The following HIVEP3 variants were observed in gnomAD, a reference collection of about 807,000 sequenced individuals.
HIVEP3 encodes the protein HIVEP zinc finger 3.
In HIVEP3, 49 loss-of-function variants were observed where a neutral mutation model predicts 152.8. The observed-to-expected ratio is 0.32, with a 90% CI of 0.26 to 0.41. The LOEUF (loss-of-function observed/expected upper bound fraction) is 0.41. HIVEP3 is among the 10% of genes least tolerant of loss of function. HIVEP3 has a pLI of 1.00. For missense variants in HIVEP3, 2,790 were observed against 3,103.3 expected (o/e 0.90, Z 2.40); for synonymous variants, 1,269 against 1,289.0 (o/e 0.98, Z 0.33).
intron 2 of HIVEP3, among the ~76,000 whole-genome samples, chr1:41,638,335 GGA>G (rs60943913): frequency 4.9e-5 from 2 of 40,476 alleles, no homozygotes; most frequent in African/African-American, 8.7e-5. Context: ...AGAAAGAAAG[GGA>G]GAGAGAGAGA....
At chr1:41,994,559 ACTCT>A (rs1557553951) in intron 1 of HIVEP3, among the ~76,000 whole-genome samples, 1 of 151,480 alleles carries the variant, frequency 6.6e-6, no homozygotes, top group Non-Finnish European at 1.5e-5. Context: ...TTCCCCCATC[ACTCT>A]CTCTATCTCT....
At chr1:41,711,873 T>C (rs1338538715) in intron 1 of HIVEP3, among the ~76,000 whole-genome samples, 1 of 152,162 alleles carries the variant, frequency 6.6e-6, no homozygotes, top group Non-Finnish European at 1.5e-5. Context: ...GGGGTTTTAA[T>C]TGCTCATAAA....
rs909482725 is a variant in HIVEP3 at position 41,634,327 on chromosome 1, A to G, written c.-720-5380T>C. Among the ~76,000 whole-genome samples, 15 of 152,312 alleles carry G rather than the reference A, an allele frequency of 9.8e-5. 1 individual carries two copies. In the South Asian group the frequency reaches 2.9e-3, roughly 29 times the overall value. Reference sequence around the variant, plus strand: ...AGATACTATTTAATTCTTGACATCAATAGAGAAATCTGTGTAAAAACTAAC... The same window carrying G: ...AGATACTATTTAATTCTTGACATCAGTAGAGAAATCTGTGTAAAAACTAAC... On this transcript the variant is annotated intron_variant, in intron 2 of 8. Coordinates refer to ENST00000372583, the MANE Select transcript of HIVEP3 (RefSeq NM_024503.5).
chr1:41,910,165 A>G (rs192631046), intron 1 of HIVEP3, among the ~76,000 whole-genome samples: 6 of 152,116 alleles, frequency 3.9e-5, no homozygotes, highest in Admixed American at 3.3e-4. Flanking sequence ...AGTCTCTAAT[A>G]ACATTGAGAA....
intron 1 of HIVEP3, among the ~76,000 whole-genome samples, chr1:41,861,642 A>G (rs745871435): frequency 2.6e-5 from 4 of 152,196 alleles, no homozygotes; most frequent in Non-Finnish European, 4.4e-5. Flanking sequence ...CTGCATTTCC[A>G]GCCCTGGGAG....
intron 1 of HIVEP3, among the ~76,000 whole-genome samples, chr1:42,009,012 A>C (rs1045732487): frequency 6.6e-6 from 1 of 152,206 alleles, no homozygotes; most frequent in Non-Finnish European, 1.5e-5. Flanking sequence ...ACCATAGAGG[A>C]GCTAGCCTGA....
At chr1:41,946,439 T>C (rs1426345220) in intron 1 of HIVEP3, among the ~76,000 whole-genome samples, 1 of 152,166 alleles carries the variant, frequency 6.6e-6, no homozygotes, top group Non-Finnish European at 1.5e-5. Context: ...TCCCAGACAA[T>C]TGTCCTCCAG....
At chr1:41,811,700 T>C (rs1399165930) in intron 1 of HIVEP3, among the ~76,000 whole-genome samples, 1 of 149,950 alleles carries the variant, frequency 6.7e-6, no homozygotes, top group African/African-American at 2.5e-5. Context: ...GGGGAGGGGG[T>C]GGGGAAAGGC....
chr1:41,541,088 G>A (rs1643520452), intron 5 of HIVEP3, among the ~76,000 whole-genome samples: 1 of 152,150 alleles, frequency 6.6e-6, no homozygotes, highest in African/African-American at 2.4e-5. Context: ...TAGGCATGGG[G>A]TGTTGATGCA....
intron 1 of HIVEP3, among the ~76,000 whole-genome samples, chr1:41,927,304 T>G (rs763534397): frequency 6.6e-6 from 1 of 152,144 alleles, no homozygotes; most frequent in Non-Finnish European, 1.5e-5. Flanking sequence ...CCTGGTCAGT[T>G]TGTGTACTCT....
In HIVEP3 at chr1:41,872,262, A is replaced by G. The variant is rs76106384; in HGVS notation, c.-801+46151T>C. 2.3e-3 allele frequency among the ~76,000 whole-genome samples: 347 copies of G among 152,364 alleles called. 1 individual carries two copies. The highest frequency in any genetic ancestry group is 8.1e-3 in the African/African-American group (338 of 41,592). ...TACAGACAAAAGAAAGGGAAATGACATAGTACAGAAAACGGAAGTGAGGTA... is the reference window on the plus strand; with the variant it reads ...TACAGACAAAAGAAAGGGAAATGACGTAGTACAGAAAACGGAAGTGAGGTA... On this transcript the variant is annotated intron_variant, in intron 1 of 8. Transcript: ENST00000372583.
At position 41,582,030 on chromosome 1, in the gene HIVEP3, T is replaced by G. The variant is rs1644419186; in HGVS notation, c.2768A>C (p.Glu923Ala). 3 of 1,614,008 alleles carry G rather than the reference T, an allele frequency of 1.9e-6. No individual in the cohort carries two copies. In the Admixed American group the frequency reaches 5.0e-5, roughly 27 times the overall value. Reference sequence around the variant, plus strand: ...GCTGCGAGACAGAGGCACAGAGGACTCGAAGCTGGACTCCCCTGATGATTG... The same window carrying G: ...GCTGCGAGACAGAGGCACAGAGGACGCGAAGCTGGACTCCCCTGATGATTG... ...MAQSSGESSF[E>A]SSVPLSRSPS... Residue 923 changes from glutamate (E) to alanine (A), a missense_variant, in exon 4 of 9, where the codon GAG becomes GCG. Glu to Ala is a moderately radical substitution (Grantham distance 107). This residue lies in a region of HIVEP3 where 1,078 missense variants were observed against 1,165.3 expected (regional missense o/e 0.93). Coordinates refer to ENST00000372583, the MANE Select transcript of HIVEP3 (RefSeq NM_024503.5). This position sits in a 1 kb window ranked among gnomAD's most constrained non-coding sequence, Gnocchi z 4.7.
At chr1:41,799,482 C>A (rs149298047) in intron 1 of HIVEP3, among the ~76,000 whole-genome samples, 1 of 152,200 alleles carries the variant, frequency 6.6e-6, no homozygotes, top group African/African-American at 2.4e-5. Context: ...CTCCCTCAGG[C>A]TGACAAAGTC....
intron 5 of HIVEP3, among the ~76,000 whole-genome samples, chr1:41,567,176 G>A (rs1276995454): frequency 6.6e-6 from 1 of 152,152 alleles, no homozygotes; most frequent in East Asian, 1.9e-4. Flanking sequence ...CATCTACTCA[G>A]TGGTTACTAC....
chr1:41,958,289 G>T (rs1236404769), intron 1 of HIVEP3, among the ~76,000 whole-genome samples: 2 of 152,222 alleles, frequency 1.3e-5, no homozygotes, highest in Non-Finnish European at 2.9e-5. Context: ...CTCCAGTAGT[G>T]CAGACCCTGA....
intron 3 of HIVEP3, among the ~76,000 whole-genome samples, chr1:41,586,691 A>G (rs577546033): frequency 6.6e-6 from 1 of 152,292 alleles, no homozygotes; most frequent in South Asian, 2.1e-4. Context: ...TTTAAGACTC[A>G]AATAATTGTC....
intron 3 of HIVEP3, among the ~76,000 whole-genome samples, chr1:41,624,901 C>T (rs183806777): frequency 6.6e-6 from 1 of 152,300 alleles, no homozygotes; most frequent in Non-Finnish European, 1.5e-5. Context: ...CGCGGTGGCT[C>T]ACGCCTGTAA....
chr1:41,688,645 G>A (rs1034570434), intron 2 of HIVEP3, among the ~76,000 whole-genome samples: 1 of 152,226 alleles, frequency 6.6e-6, no homozygotes, highest in African/African-American at 2.4e-5. Context: ...ACCTTAGGTG[G>A]ACTAGGGTGG....
At chr1:41,894,651 G>C (rs1644500156) in intron 1 of HIVEP3, among the ~76,000 whole-genome samples, 1 of 152,160 alleles carries the variant, frequency 6.6e-6, no homozygotes. Flanking sequence ...ATGAGCTCTA[G>C]TGAGGCTGGC....
Sources: gnomAD v4.1 joint callset for allele counts (sites outside exome capture counted in the v4.1 genomes callset) on GRCh38, gnomAD v4.1.1 for gene constraint, gnomAD v4.1.1 regional missense constraint, Gnocchi (gnomAD v3.1) non-coding constraint, MANE v1.5 for transcripts, NCBI Gene and HGNC (gene_info 2026-07-23, HGNC 2026-07-21) for gene names.